The following TRIM55 variants were observed in gnomAD, a reference collection of about 807,000 sequenced individuals.
TRIM55 encodes the protein tripartite motif-containing protein 55.
A neutral mutation model predicts 60.9 loss-of-function variants in TRIM55; 50 were observed. The observed-to-expected ratio is 0.82, with a 90% confidence interval of 0.65 to 1.04. The LOEUF is 1.04. Among genes scored for constraint, TRIM55 ranks in the 50% least tolerant of loss-of-function variants. The pLI is 0.00. For synonymous variants in TRIM55, 237 were observed against 238.1 expected (o/e 1.00, Z 0.04); for missense variants, 681 against 666.9 (o/e 1.02, Z -0.23).
chr8:66,151,966 A>G (rs1163055666), intron 7 of TRIM55, among the ~76,000 whole-genome samples: 1 of 152,228 alleles, frequency 6.6e-6, no homozygotes, highest in East Asian at 1.9e-4. Context: ...CTAAAATGAC[A>G]AAAGGGCTTT....
intron 9 of TRIM55, among the ~76,000 whole-genome samples, chr8:66,165,580 C>G (rs991544339): frequency 6.6e-6 from 1 of 152,114 alleles, no homozygotes; most frequent in African/African-American, 2.4e-5. Context: ...TTCAGGGTGT[C>G]AAATTATTTT....
At chr8:66,124,317 T>A (rs1808739904), upstream of TRIM55, among the ~76,000 whole-genome samples, 1 of 152,192 alleles carries the variant, frequency 6.6e-6, no homozygotes, top group Non-Finnish European at 1.5e-5. Flanking sequence ...GAGAAACTTT[T>A]AACGACTTCC....
intron 7 of TRIM55, 128 bp from the exon 8 acceptor site, chr8:66,152,249 T>C (rs899314757): frequency 1.3e-5 from 17 of 1,288,332 alleles, no homozygotes; most frequent in Non-Finnish European, 1.7e-5. Flanking sequence ...CTTGGACCAT[T>C]GTCAAGTGTC....
chr8:66,168,863 T>C (rs552787522), intron 9 of TRIM55, among the ~76,000 whole-genome samples: 6 of 152,340 alleles, frequency 3.9e-5, no homozygotes, highest in Non-Finnish European at 7.3e-5. Flanking sequence ...TAAAGTATTA[T>C]CTGGCAGGGG....
intron 9 of TRIM55, among the ~76,000 whole-genome samples, chr8:66,169,152 C>T (rs191741794): frequency 6.6e-6 from 1 of 152,106 alleles, no homozygotes; most frequent in Non-Finnish European, 1.5e-5. Context: ...AATGCCCCCC[C>T]ACAAATGTGG....
chr8:66,161,765 T>A (rs1484048882), intron 9 of TRIM55, among the ~76,000 whole-genome samples: 1 of 151,528 alleles, frequency 6.6e-6, no homozygotes, highest in Non-Finnish European at 1.5e-5. Context: ...GTTTTTTTTT[T>A]TTTTTTGCAA....
At chr8:66,137,833 C>T (rs947575377) in intron 4 of TRIM55, among the ~76,000 whole-genome samples, 7 of 151,664 alleles carry the variant, frequency 4.6e-5, no homozygotes, top group African/African-American at 7.3e-5. Flanking sequence ...TTGAGCTTGC[C>T]GTATAATAAA....
chr8:66,154,699 CTG>C (rs1355361869), intron 9 of TRIM55, among the ~76,000 whole-genome samples: 1 of 152,218 alleles, frequency 6.6e-6, no homozygotes, highest in Non-Finnish European at 1.5e-5. Context: ...TCAGCCTTCC[CTG>C]TGTCCTCCTT....
chr8:66,132,943 A>G (rs1000274361), intron 2 of TRIM55, among the ~76,000 whole-genome samples: 4 of 152,230 alleles, frequency 2.6e-5, no homozygotes, highest in Non-Finnish European at 5.9e-5. Context: ...CAATATTTGC[A>G]TATACTGCAT....
chr8:66,149,152 G>A (rs1190804940), intron 4 of TRIM55, among the ~76,000 whole-genome samples: 1 of 152,144 alleles, frequency 6.6e-6, no homozygotes, highest in Non-Finnish European at 1.5e-5. Context: ...GGGAATCCTA[G>A]CTGCAGAGGC....
chr8:66,160,613 T>A (rs900550123), intron 9 of TRIM55, among the ~76,000 whole-genome samples: 2 of 152,156 alleles, frequency 1.3e-5, no homozygotes, highest in Non-Finnish European at 1.5e-5. Flanking sequence ...TTTTCCATAG[T>A]GGTTGTACTA....
chr8:66,163,286 C>T (rs985992898), intron 9 of TRIM55, among the ~76,000 whole-genome samples: 3 of 152,082 alleles, frequency 2.0e-5, no homozygotes, highest in Non-Finnish European at 4.4e-5. Flanking sequence ...CATTTCTGCT[C>T]TTAATGATTT....
At chr8:66,173,079 T>C (rs1309978970) in intron 9 of TRIM55, among the ~76,000 whole-genome samples, 3 of 152,304 alleles carry the variant, frequency 2.0e-5, no homozygotes, top group South Asian at 4.1e-4. Context: ...TTTATTTTAC[T>C]TCACTTTCAA....
chr8:66,137,104 A>C lies in TRIM55; in HGVS notation c.517A>C (p.Ser173Arg). ...GTTTTCTCTTCATTAGTCTGAGCTCAGTGATGGCATCGCCATCCTCGTGGG... is the reference window on the plus strand; with the variant it reads ...GTTTTCTCTTCATTAGTCTGAGCTCCGTGATGGCATCGCCATCCTCGTGGG... ...HVFQRQKSEL[S>R]DGIAILVGSN... The change falls in exon 4 of 10, where the codon AGT becomes CGT. Residue 173 changes from serine (S) to arginine (R), a missense_variant. Coordinates refer to ENST00000315962, the MANE Select transcript of TRIM55 (RefSeq NM_184085.2). 4 of 1,613,968 alleles carry C rather than the reference A, an allele frequency of 2.5e-6. No homozygotes were observed. Among genetic ancestry groups the C allele is most frequent in the Non-Finnish European group, 3.4e-6 (4 of 1,179,836 alleles).
At chr8:66,173,734 G>C (rs1811766579) in intron 9 of TRIM55, among the ~76,000 whole-genome samples, 1 of 152,152 alleles carries the variant, frequency 6.6e-6, no homozygotes, top group South Asian at 2.1e-4. Flanking sequence ...CCATTAAGTT[G>C]TGATTTTTAA....
intron 4 of TRIM55, among the ~76,000 whole-genome samples, chr8:66,142,110 A>G (rs1041970483): frequency 6.6e-6 from 1 of 152,230 alleles, no homozygotes; most frequent in Non-Finnish European, 1.5e-5. Flanking sequence ...CAGCATTGTC[A>G]TGATGACGAA....
chr8:66,163,552 A>AT (rs2128984819), intron 9 of TRIM55, among the ~76,000 whole-genome samples: 1 of 152,276 alleles, frequency 6.6e-6, no homozygotes, highest in Non-Finnish European at 1.5e-5. Context: ...GATGAGCGGC[A>AT]TTTCGTTTCC....
At chr8:66,122,042 C>G (rs549106523), upstream of TRIM55, among the ~76,000 whole-genome samples, 2 of 152,274 alleles carry the variant, frequency 1.3e-5, no homozygotes, top group South Asian at 4.1e-4. Flanking sequence ...GTCCCACTTA[C>G]AGCTCACACA....
rs557232185 is a variant in TRIM55 at position 66,149,543 on chromosome 8, T to C, written c.604-102T>C. 3.3e-6 allele frequency: 3 copies of C among 919,750 alleles called. No homozygotes were observed. In the South Asian group the frequency reaches 5.1e-5, roughly 16 times the overall value. 57.0% of individuals were successfully genotyped at this position (919,750 alleles called of 1,614,324 possible). On this transcript the variant is annotated intron_variant, in intron 4 of 9. Transcript: ENST00000315962. ...CATCTTCAGGGAAAAGAAAAAAATATCCTACATAAGTAAATGTTCTTCTTT... is the reference window on the plus strand; with the variant it reads ...CATCTTCAGGGAAAAGAAAAAAATACCCTACATAAGTAAATGTTCTTCTTT...
Sources: gnomAD v4.1 joint callset for allele counts (sites outside exome capture counted in the v4.1 genomes callset) on GRCh38, gnomAD v4.1.1 for gene constraint, MANE v1.5 for transcripts, NCBI Gene and HGNC (gene_info 2026-07-23, HGNC 2026-07-21) for gene names.